The following ZNF320 variants were observed in gnomAD, a reference collection of about 807,000 sequenced individuals.
ZNF320 encodes zinc finger gene 320.
Under a neutral mutation model 6.8 loss-of-function variants are expected in ZNF320, and 2 were observed. The ratio of observed to expected loss-of-function variants is 0.29; its 90% CI spans 0.12 to 0.93. The LOEUF (loss-of-function observed/expected upper bound fraction) is 0.93, where lower values mean the gene tolerates loss of function less well. Ranked by LOEUF, ZNF320 falls within the 40% of genes least tolerant of loss-of-function variation. ZNF320 has a pLI of 0.55. For missense variants in ZNF320, 472 were observed against 611.0 expected (o/e 0.77, Z 2.40); for synonymous variants, 208 against 203.2 (o/e 1.02, Z -0.20).
chr19:52,881,262 G>C lies in ZNF320; in HGVS notation c.864C>G (p.Leu288=), dbSNP rs760106046. 6.2e-7 allele frequency: 1 copy of C among 1,613,814 alleles called. No individual in the cohort carries two copies. Among genetic ancestry groups the C allele is most frequent in the Middle Eastern group, 1.6e-4 (1 of 6,062 alleles). Residue 288 remains leucine, a synonymous_variant, in exon 6 of 6, where the codon CTC becomes CTG. Coordinates refer to ENST00000682928, the MANE Select transcript of ZNF320 (RefSeq NM_001351774.2). ...CAGTATGAACTGCCTTATGAATTAC[G>C]AGGACTGAATTTCGAGCGAAGGTCT... is the stretch of plus-strand genomic sequence containing the variant. ...CGKTFARNSV[L]VIHKAVHTAE... is the part of the protein sequence containing the mutation.
At chr19:52,882,436 A>C (rs1021676009) in intron 5 of ZNF320, among the ~76,000 whole-genome samples, 3 of 152,246 alleles carry the variant, frequency 2.0e-5, no homozygotes, top group Admixed American at 1.3e-4. Context: ...AAGGATAATC[A>C]AAATCAATGG....
intron 3 of ZNF320, among the ~76,000 whole-genome samples, chr19:52,890,947 TCTAGACCAGC>T (rs2064269701): frequency 6.6e-6 from 1 of 151,988 alleles, no homozygotes; most frequent in Non-Finnish European, 1.5e-5. Flanking sequence ...GGTCAGGAGT[TCTAGACCAGC>T]CTGGCCAACA....
At chr19:52,884,481 C>A (rs2064015434) in intron 5 of ZNF320, among the ~76,000 whole-genome samples, 1 of 152,164 alleles carries the variant, frequency 6.6e-6, no homozygotes, top group African/African-American at 2.4e-5. Flanking sequence ...CCATGCACAG[C>A]TGGTTTTTGT....
At chr19:52,882,061 C>A in intron 5 of ZNF320, 78 bp from the exon 6 acceptor site, 1 of 1,361,206 alleles carries the variant, frequency 7.3e-7, no homozygotes, top group Non-Finnish European at 1.0e-6. Context: ...ATATCACACA[C>A]ACACAAAAAT....
intron 5 of ZNF320, among the ~76,000 whole-genome samples, chr19:52,867,204 G>T (rs527466600): frequency 7.5e-4 from 114 of 151,794 alleles, no homozygotes; most frequent in Admixed American, 1.4e-3. Context: ...ATTTATTTAT[G>T]TATTTATTTT....
downstream of ZNF320, among the ~76,000 whole-genome samples, chr19:52,874,407 T>A (rs1244201165): frequency 1.3e-5 from 2 of 152,126 alleles, no homozygotes; most frequent in African/African-American, 4.8e-5. Flanking sequence ...GCTCTCAACA[T>A]GGAGGAAACT....
chr19:52,870,189 T>A (rs1460851300), intron 5 of ZNF320, among the ~76,000 whole-genome samples: 3 of 151,624 alleles, frequency 2.0e-5, no homozygotes, highest in African/African-American at 7.3e-5. Flanking sequence ...CAATGAAAAA[T>A]ACTTAAAATA....
rs1044521781 is a variant in ZNF320, at chr19:52,879,823, A to C, written c.*773T>G. 1 of 152,240 alleles carries C rather than the reference A, an allele frequency of 6.6e-6. No individual in the cohort carries two copies. The highest frequency in any genetic ancestry group is 2.4e-5 in the African/African-American group (1 of 41,470). The allele number at this position is 152,240 out of a possible 1,614,324, so 9.4% of individuals were successfully genotyped here. Reference sequence around the variant, plus strand: ...TAAACAATTTAAAAAGAAAATTAAAAAAACACTTTCATTTGCTAAAGAACT... The same window carrying C: ...TAAACAATTTAAAAAGAAAATTAAACAAACACTTTCATTTGCTAAAGAACT... On this transcript the variant is annotated 3_prime_UTR_variant, in exon 6 of 6. Coordinates refer to ENST00000682928, the MANE Select transcript of ZNF320 (RefSeq NM_001351774.2).
upstream of ZNF320, among the ~76,000 whole-genome samples, chr19:52,899,221 TTA>T (rs1377429686): frequency 1.3e-5 from 2 of 152,194 alleles, no homozygotes; most frequent in Admixed American, 1.3e-4. Flanking sequence ...ATAACTCTTA[TTA>T]TAAGAGTTTT....
At chr19:52,904,051 G>T in the ZNF320 span, among the ~76,000 whole-genome samples, 1 of 151,962 alleles carries the variant, frequency 6.6e-6, no homozygotes, top group Non-Finnish European at 1.5e-5. Flanking sequence ...TGCTGTGGGT[G>T]ATCAGGCCAC....
At chr19:52,894,471 C>T (rs780193473) in intron 1 of ZNF320, among the ~76,000 whole-genome samples, 4 of 151,990 alleles carry the variant, frequency 2.6e-5, no homozygotes, top group Non-Finnish European at 2.9e-5. Flanking sequence ...CTCTCCATGT[C>T]TAAGGTTCTG....
chr19:52,875,396 G>A (rs1156720795), downstream of ZNF320, among the ~76,000 whole-genome samples: 1 of 152,184 alleles, frequency 6.6e-6, no homozygotes, highest in Non-Finnish European at 1.5e-5. Flanking sequence ...GCTGTGAGAT[G>A]AGATAAGGAA....
intron 1 of ZNF320, among the ~76,000 whole-genome samples, chr19:52,894,483 T>C (rs1224757917): frequency 6.6e-6 from 1 of 152,158 alleles, no homozygotes; most frequent in Non-Finnish European, 1.5e-5. Flanking sequence ...AAGGTTCTGA[T>C]GGCATGAATC....
chr19:52,864,167 G>T, intron 5 of ZNF320: 1 of 248,256 alleles, frequency 4.0e-6, no homozygotes, highest in Middle Eastern at 5.8e-4. Flanking sequence ...TCCCTAAAAT[G>T]AGAAACACGT....
chr19:52,896,437 G>A (rs188865285), intron 1 of ZNF320, among the ~76,000 whole-genome samples: 17 of 152,260 alleles, frequency 1.1e-4, no homozygotes, highest in Admixed American at 1.1e-3. Flanking sequence ...AGGCGGGCAT[G>A]GTGGCTCATG....
rs1568720607 is a variant in ZNF320 at position 52,887,000 on chromosome 19, AGG to A, written c.142+1125_142+1126del. On this transcript the variant is annotated intron_variant, in intron 5 of 5. Coordinates refer to ENST00000682928, the MANE Select transcript of ZNF320 (RefSeq NM_001351774.2). ...AAAGAAGGAAGGAAGGAAGGAAGGA[AGG>A]AAGGAAAAGAAAAAACAAAACAAAA... 1.1e-3 allele frequency among the ~76,000 whole-genome samples: 95 copies of A among 87,544 alleles called. 1 individual carries two copies. The highest frequency in any genetic ancestry group is 3.7e-3 in the African/African-American group (94 of 25,672). 57.4% of individuals were successfully genotyped at this position (87,544 alleles called of 152,430 possible). A position where few individuals can be genotyped will look rare whatever the true frequency, so the allele number is the denominator to read the frequency against.
In ZNF320 at chr19:52,866,869, CA is replaced by C. The variant is rs58231328; in HGVS notation, c.224-2711del. 5.1e-3 allele frequency among the ~76,000 whole-genome samples: 559 copies of C among 108,894 alleles called. 2 individuals carry two copies. Among genetic ancestry groups the C allele is most frequent in the South Asian group, 0.015 (50 of 3,376 alleles). The allele number at this position is 108,894 out of a possible 152,430, so 71.4% of individuals were successfully genotyped here. On this transcript the variant is annotated intron_variant, in intron 5 of 5. Transcript: ENST00000673631. ...TGAGACACCTGTCTCACAAAACATACAAAAAAAAAAAAAAAAAAAAAGAAAA... is the reference window on the plus strand; with the variant it reads ...TGAGACACCTGTCTCACAAAACATACAAAAAAAAAAAAAAAAAAAAGAAAA...
intron 5 of ZNF320, among the ~76,000 whole-genome samples, chr19:52,883,342 G>A (rs1366081503): frequency 2.6e-5 from 4 of 152,178 alleles, no homozygotes; most frequent in Non-Finnish European, 4.4e-5. Flanking sequence ...TTACAGGCAT[G>A]AGCCACTGTG....
chr19:52,885,593 G>A (rs1428917219), intron 5 of ZNF320, among the ~76,000 whole-genome samples: 1 of 152,120 alleles, frequency 6.6e-6, no homozygotes, highest in African/African-American at 2.4e-5. Context: ...GCCAGCACCT[G>A]TAGTCCCAGC....
Sources: gnomAD v4.1 joint callset for allele counts (sites outside exome capture counted in the v4.1 genomes callset) on GRCh38, gnomAD v4.1.1 for gene constraint, MANE v1.5 for transcripts, NCBI Gene and HGNC (gene_info 2026-07-23, HGNC 2026-07-21) for gene names.